Variants in NALF1 observed in about 807,000 individuals in gnomAD.
NALF1 encodes family with sequence similarity 155 member A.
Under a neutral mutation model 48.4 loss-of-function variants are expected in NALF1, and 3 were observed. The observed-to-expected ratio is 0.06, with a 90% CI of 0.03 to 0.16. The LOEUF (loss-of-function observed/expected upper bound fraction) is 0.16. Ranked by LOEUF, NALF1 falls within the 10% of genes least tolerant of loss-of-function variation. The pLI, the probability that NALF1 is intolerant of heterozygous loss-of-function variation, is 1.00. For synonymous variants in NALF1, 262 were observed against 245.7 expected (o/e 1.07, Z -0.62); for missense variants, 526 against 571.5 (o/e 0.92, Z 0.81).
chr13:107,548,078 T>C (rs1268587785), intron 1 of NALF1, among the ~76,000 whole-genome samples: 2 of 152,196 alleles, frequency 1.3e-5, no homozygotes, highest in African/African-American at 4.8e-5. Flanking sequence ...CACCCAGGTA[T>C]GAAACCCAAT....
At position 107,341,354 on chromosome 13, in the gene NALF1, C is replaced by T. The variant is rs1211192387; in HGVS notation, c.916-130599G>A. 7.9e-5 allele frequency among the ~76,000 whole-genome samples: 12 copies of T among 152,046 alleles called. No individual in the cohort carries two copies. In the South Asian group the frequency reaches 2.1e-3, roughly 26 times the overall value. On this transcript the variant is annotated intron_variant, in intron 1 of 2. Transcript: ENST00000375915. ...TAGCTTATGCAAAGTAACCGAAATA[C>T]CCTGTGTGTGTGTGTGTACATATGA...
At chr13:107,800,191 A>G (rs66866066) in intron 1 of NALF1, among the ~76,000 whole-genome samples, 16,275 of 152,130 alleles carry the variant, frequency 0.11, 1,692 homozygotes, top group African/African-American at 0.27. Context: ...TGTGGTCTGA[A>G]GTTTTGTCTC....
At position 107,633,470 on chromosome 13, in the gene NALF1, G is replaced by C. The variant is rs547580979; in HGVS notation, c.915+232212C>G. On this transcript the variant is annotated intron_variant, in intron 1 of 2. Coordinates refer to ENST00000375915, the MANE Select transcript of NALF1 (RefSeq NM_001080396.3). ...ATGCACCATTTTATAGATGATCTTT[G>C]TGAATGACCATTCTGTTTTTGATGC... Among the ~76,000 whole-genome samples the C allele has an allele frequency of 2.6e-3, 394 of 151,760 alleles. 3 individuals carry two copies. Among genetic ancestry groups the C allele is most frequent in the Non-Finnish European group, 3.9e-3 (262 of 67,866 alleles).
intron 1 of NALF1, among the ~76,000 whole-genome samples, chr13:107,430,507 T>A (rs1884359657): frequency 6.6e-6 from 1 of 152,114 alleles, no homozygotes; most frequent in African/African-American, 2.4e-5. Flanking sequence ...TGTCCATGTG[T>A]TCTCACTGTT....
intron 1 of NALF1, among the ~76,000 whole-genome samples, chr13:107,522,452 G>A (rs1876275203): frequency 6.6e-6 from 1 of 151,648 alleles, no homozygotes; most frequent in South Asian, 2.1e-4. Context: ...ATAAATATTT[G>A]TCTTCTATCT....
rs2476501 is a variant in NALF1 at position 107,569,369 on chromosome 13, C to A, written c.915+296313G>T. 7.9e-5 allele frequency among the ~76,000 whole-genome samples: 12 copies of A among 151,918 alleles called. No individual in the cohort carries two copies. In the East Asian group the frequency reaches 2.3e-3, roughly 30 times the overall value. Reference sequence around the variant, plus strand: ...TGCTTGTAGTCCCAGCTACTCGGGACGCTGAGGCAGGAGAATGACGTGAAC... The same window carrying A: ...TGCTTGTAGTCCCAGCTACTCGGGAAGCTGAGGCAGGAGAATGACGTGAAC... On this transcript the variant is annotated intron_variant, in intron 1 of 2. Coordinates refer to ENST00000375915, the MANE Select transcript of NALF1 (RefSeq NM_001080396.3).
chr13:107,726,684 A>G (rs1011214852), intron 1 of NALF1, among the ~76,000 whole-genome samples: 2 of 144,176 alleles, frequency 1.4e-5, no homozygotes, highest in African/African-American at 5.2e-5. Context: ...ATCTCTGTTC[A>G]CTGCAACCTC....
intron 1 of NALF1, among the ~76,000 whole-genome samples, chr13:107,278,917 C>G (rs568112692): frequency 6.6e-6 from 1 of 152,208 alleles, no homozygotes; most frequent in South Asian, 2.1e-4. Context: ...TTCCATATTG[C>G]AGTGAGGTTA....
At chr13:107,831,775 A>G (rs928542370) in intron 1 of NALF1, among the ~76,000 whole-genome samples, 2 of 152,178 alleles carry the variant, frequency 1.3e-5, no homozygotes, top group African/African-American at 4.8e-5. Flanking sequence ...TTTGTTGTTG[A>G]AAACAATGTA....
chr13:107,197,709 G>A (rs1879423433), intron 2 of NALF1, among the ~76,000 whole-genome samples: 1 of 152,198 alleles, frequency 6.6e-6, no homozygotes, highest in South Asian at 2.1e-4. Context: ...ACAGCTCTGT[G>A]ATTTTACGTG....
chr13:107,382,767 G>GAC (rs1883462442), intron 1 of NALF1, among the ~76,000 whole-genome samples: 1 of 152,320 alleles, frequency 6.6e-6, no homozygotes, highest in African/African-American at 2.4e-5. Context: ...TTAACCAATG[G>GAC]ACACTATGAG....
At chr13:107,542,133 G>A (rs1877016026) in intron 1 of NALF1, among the ~76,000 whole-genome samples, 1 of 152,004 alleles carries the variant, frequency 6.6e-6, no homozygotes, top group Non-Finnish European at 1.5e-5. Flanking sequence ...CTGTACAATG[G>A]AATATTATTC....
intron 1 of NALF1, among the ~76,000 whole-genome samples, chr13:107,375,102 T>C (rs969887063): frequency 6.6e-6 from 1 of 152,218 alleles, no homozygotes; most frequent in Non-Finnish European, 1.5e-5. Context: ...TTCAGTTGCA[T>C]TAATTTGAAT....
chr13:107,529,554 G>A (rs1180000998), intron 1 of NALF1, among the ~76,000 whole-genome samples: 4 of 152,092 alleles, frequency 2.6e-5, no homozygotes, highest in African/African-American at 9.7e-5. Context: ...TCCTAGATGT[G>A]TGCAATTCAG....
chr13:107,532,740 A>G (rs1380414210), intron 1 of NALF1, among the ~76,000 whole-genome samples: 1 of 152,062 alleles, frequency 6.6e-6, no homozygotes, highest in African/African-American at 2.4e-5. Context: ...TTTGCCTGGG[A>G]CATTAATGAA....
chr13:107,698,732 A>T (rs569679809), intron 1 of NALF1, among the ~76,000 whole-genome samples: 20 of 152,126 alleles, frequency 1.3e-4, no homozygotes, highest in Non-Finnish European at 2.8e-4. Flanking sequence ...GCAGAATAAG[A>T]ACTACATTTC....
chr13:107,396,778 T>A (rs1883719849), intron 1 of NALF1, among the ~76,000 whole-genome samples: 1 of 152,172 alleles, frequency 6.6e-6, no homozygotes, highest in South Asian at 2.1e-4. Flanking sequence ...GAGATGGGGT[T>A]CTCAGCAGTC....
chr13:107,253,811 G>A (rs373292318), intron 1 of NALF1, among the ~76,000 whole-genome samples: 4 of 152,004 alleles, frequency 2.6e-5, no homozygotes, highest in African/African-American at 4.8e-5. Flanking sequence ...GGATCTTCAC[G>A]TCATTAACTT....
chr13:107,213,437 T>G (rs1879809545), intron 1 of NALF1, among the ~76,000 whole-genome samples: 1 of 152,284 alleles, frequency 6.6e-6, no homozygotes, highest in Non-Finnish European at 1.5e-5. Flanking sequence ...AGCTACCTCC[T>G]GGGCTTTGAG....
Sources: allele counts gnomAD v4.1 joint callset (sites outside exome capture counted in the v4.1 genomes callset), GRCh38; gene constraint gnomAD v4.1.1; transcripts MANE v1.5; gene names NCBI Gene and HGNC (gene_info 2026-07-23, HGNC 2026-07-21).